The following CNTN5 variants were observed in gnomAD, a reference collection of about 807,000 sequenced individuals.
CNTN5 encodes contactin-5.
CNTN5 carries 77 observed loss-of-function variants against 129.1 expected under a neutral mutation model. That is an observed-to-expected ratio of 0.60 (90% CI 0.50 to 0.72). The LOEUF (loss-of-function observed/expected upper bound fraction) is 0.72. Ranked by LOEUF, CNTN5 falls within the 30% of genes least tolerant of loss-of-function variation. CNTN5 has a pLI of 0.00. For missense variants in CNTN5, 1,478 were observed against 1,328.8 expected, an observed-to-expected ratio of 1.11 and a Z score of -1.75; for synonymous variants, 509 against 465.6, an observed-to-expected ratio of 1.09 and a Z score of -1.20.
intron 9 of CNTN5, among the ~76,000 whole-genome samples, chr11:100,012,992 T>G (rs1940615195): frequency 6.6e-6 from 1 of 152,154 alleles, no homozygotes; most frequent in African/African-American, 2.4e-5. Flanking sequence ...AAAAACAGGA[T>G]GTAAAGAATT....
chr11:100,270,733 G>T (rs961986782), intron 17 of CNTN5, among the ~76,000 whole-genome samples: 4 of 152,172 alleles, frequency 2.6e-5, no homozygotes, highest in African/African-American at 9.7e-5. Flanking sequence ...AGAGCAAACT[G>T]CTCAAGAAAT....
intron 2 of CNTN5, among the ~76,000 whole-genome samples, chr11:99,513,562 T>C (rs1565247779): frequency 6.6e-6 from 1 of 152,118 alleles, no homozygotes. Context: ...GGTGACTAAG[T>C]TGAAGCCAAT....
At chr11:99,988,960 G>T in intron 8 of CNTN5, among the ~76,000 whole-genome samples, 1 of 151,818 alleles carries the variant, frequency 6.6e-6, no homozygotes, top group Non-Finnish European at 1.5e-5. Context: ...TCAGTTTTTT[G>T]TTTGTTTGTT....
At chr11:100,158,518 G>C (rs1337365098) in intron 13 of CNTN5, among the ~76,000 whole-genome samples, 2 of 151,788 alleles carry the variant, frequency 1.3e-5, no homozygotes, top group Non-Finnish European at 2.9e-5. Flanking sequence ...TGGGAAAAAT[G>C]CGATAAAGTA....
At chr11:99,109,552 AT>A (rs1315347058) in intron 1 of CNTN5, among the ~76,000 whole-genome samples, 15 of 152,156 alleles carry the variant, frequency 9.9e-5, no homozygotes, top group African/African-American at 3.6e-4. Context: ...ATACTCTTGT[AT>A]CCCATTCCAT....
At chr11:99,073,549 G>T (rs1275096678) in intron 1 of CNTN5, among the ~76,000 whole-genome samples, 1 of 151,188 alleles carries the variant, frequency 6.6e-6, no homozygotes, top group Non-Finnish European at 1.5e-5. Context: ...CCCTCCCCTT[G>T]TCCCCCCATC....
At chr11:99,891,551 A>G (rs374065953) in intron 6 of CNTN5, among the ~76,000 whole-genome samples, 3 of 151,460 alleles carry the variant, frequency 2.0e-5, no homozygotes, top group African/African-American at 7.3e-5. Flanking sequence ...TCATTGCTCA[A>G]CTCCCACTTA....
At chr11:100,292,268 C>T (rs1173475510) in intron 18 of CNTN5, among the ~76,000 whole-genome samples, 2 of 151,958 alleles carry the variant, frequency 1.3e-5, no homozygotes, top group Non-Finnish European at 2.9e-5. Context: ...AACATGATGG[C>T]GTTTATCCAC....
chr11:99,153,815 CTTT>C (rs60782977), intron 1 of CNTN5, among the ~76,000 whole-genome samples: 9,981 of 103,572 alleles, frequency 0.096, 334 homozygotes, highest in South Asian at 0.14. Flanking sequence ...CTTTGAATGG[CTTT>C]TTTTTTTTTT....
At chr11:99,460,784 A>G (rs1323633010) in intron 2 of CNTN5, among the ~76,000 whole-genome samples, 1 of 152,000 alleles carries the variant, frequency 6.6e-6, no homozygotes, top group Non-Finnish European at 1.5e-5. Flanking sequence ...TGCTAGTGAG[A>G]GTTTAAAGTG....
At chr11:99,592,108 C>G (rs1364703007) in intron 3 of CNTN5, among the ~76,000 whole-genome samples, 1 of 152,126 alleles carries the variant, frequency 6.6e-6, no homozygotes, top group African/African-American at 2.4e-5. Flanking sequence ...CTTTGAATAT[C>G]TTAAATTTGA....
At chr11:99,326,736 A>G (rs1000987944) in intron 2 of CNTN5, among the ~76,000 whole-genome samples, 2 of 152,188 alleles carry the variant, frequency 1.3e-5, no homozygotes, top group Admixed American at 6.6e-5. Context: ...ACCACATAAA[A>G]GAAAAAAATT....
At chr11:99,623,675 A>G (rs1245424728) in intron 3 of CNTN5, among the ~76,000 whole-genome samples, 1 of 151,958 alleles carries the variant, frequency 6.6e-6, no homozygotes, top group Non-Finnish European at 1.5e-5. Flanking sequence ...GTTCCATAAA[A>G]GAAATCTCAA....
At chr11:99,115,032 T>C (rs1427693590) in intron 1 of CNTN5, among the ~76,000 whole-genome samples, 1 of 152,190 alleles carries the variant, frequency 6.6e-6, no homozygotes, top group Admixed American at 6.5e-5. Context: ...GAGGTTACAC[T>C]GGAAAAGGGG....
At chr11:100,290,192 T>C (rs1409196155) in intron 18 of CNTN5, among the ~76,000 whole-genome samples, 1 of 151,600 alleles carries the variant, frequency 6.6e-6, no homozygotes, top group African/African-American at 2.4e-5. Flanking sequence ...CAAGGTAATT[T>C]ACAGATTCAA....
intron 2 of CNTN5, among the ~76,000 whole-genome samples, chr11:99,364,316 C>A (rs1939311460): frequency 1.3e-5 from 2 of 152,138 alleles, no homozygotes; most frequent in South Asian, 2.1e-4. Flanking sequence ...CATATTTTCA[C>A]TCAAATACTC....
chr11:99,613,337 C>T (rs1488730638), intron 3 of CNTN5, among the ~76,000 whole-genome samples: 3 of 152,308 alleles, frequency 2.0e-5, no homozygotes, highest in South Asian at 2.1e-4. Context: ...CTGGGCCTGT[C>T]TTCTTCCTGC....
intron 1 of CNTN5, among the ~76,000 whole-genome samples, chr11:99,266,463 A>G (rs1021939937): frequency 9.2e-5 from 14 of 152,084 alleles, no homozygotes; most frequent in African/African-American, 3.4e-4. Context: ...TTATCCAGGC[A>G]TGGTGGCATG....
At chr11:99,138,747 CAT>C (rs1296289866) in intron 1 of CNTN5, among the ~76,000 whole-genome samples, 1 of 152,050 alleles carries the variant, frequency 6.6e-6, no homozygotes, top group Non-Finnish European at 1.5e-5. Flanking sequence ...AGTGCTAAGA[CAT>C]AAAAATAAAG....
Sources: gnomAD v4.1 joint callset for allele counts (sites outside exome capture counted in the v4.1 genomes callset) on GRCh38, gnomAD v4.1.1 for gene constraint, MANE v1.5 for transcripts, NCBI Gene and HGNC (gene_info 2026-07-23, HGNC 2026-07-21) for gene names.